RGS7BP: variants seen among roughly 807,000 people sequenced by gnomAD.
The protein encoded by RGS7BP is regulator of G protein signaling 7 binding protein, also known as regulator of G protein signaling 7-binding protein.
RGS7BP carries 9 observed loss-of-function variants against 31.3 expected under a neutral mutation model. The observed-to-expected ratio is 0.29, with a 90% CI of 0.17 to 0.50. RGS7BP has a LOEUF of 0.50. Among genes scored for constraint, RGS7BP ranks in the 20% least tolerant of loss-of-function variants. The probability of loss-of-function intolerance (pLI) is 0.98; values close to 1 mark genes in which losing one functional copy is unlikely to be tolerated. For synonymous variants in RGS7BP, 115 were observed against 120.1 expected (o/e 0.96, Z 0.28); for missense variants, 274 against 322.0 (o/e 0.85, Z 1.14).
chr5:64,545,940 G>T (rs1741647529), intron 2 of RGS7BP, among the ~76,000 whole-genome samples: 1 of 152,164 alleles, frequency 6.6e-6, no homozygotes, highest in Admixed American at 6.5e-5. Context: ...ATTAATGAAA[G>T]TAACCGGGTT....
In RGS7BP at chr5:64,609,929, A is replaced by C. The variant is rs1235891627; in HGVS notation, c.*677A>C. On this transcript the variant is annotated 3_prime_UTR_variant, in exon 6 of 6. Coordinates refer to ENST00000334025, the MANE Select transcript of RGS7BP (RefSeq NM_001029875.3). Reference sequence around the variant, plus strand: ...AATCCTAATACCTTCGTACAAATGCATATGGGCAACTAATTTCTTTTTGAT... The same window carrying C: ...AATCCTAATACCTTCGTACAAATGCCTATGGGCAACTAATTTCTTTTTGAT... 1 of 152,462 alleles carries C rather than the reference A, an allele frequency of 6.6e-6. No homozygotes were observed. The highest frequency in any genetic ancestry group is 1.5e-5 in the Non-Finnish European group (1 of 67,948). 9.4% of individuals were successfully genotyped at this position (152,462 alleles called of 1,614,324 possible).
rs1198045529 is a variant in RGS7BP at position 64,611,461 on chromosome 5, CACTT to C, written c.*2212_*2215del. ...CACCTTAGCCTCAGTGTGAAAGTAACACTTACCTTCTGTGCAATTGTCCTTTGTA... is the reference window on the plus strand; with the variant it reads ...CACCTTAGCCTCAGTGTGAAAGTAACACCTTCTGTGCAATTGTCCTTTGTA... On this transcript the variant is annotated 3_prime_UTR_variant, in exon 6 of 6. Transcript: ENST00000334025. 2 of 152,166 alleles carry C rather than the reference CACTT, an allele frequency of 1.3e-5. No individual in the cohort carries two copies. 9.4% of individuals were successfully genotyped at this position (152,166 alleles called of 1,614,324 possible). A position where few individuals can be genotyped will look rare whatever the true frequency, so the allele number is the denominator to read the frequency against.
intron 5 of RGS7BP, among the ~76,000 whole-genome samples, chr5:64,602,068 C>G (rs1743232201): frequency 6.6e-6 from 1 of 152,122 alleles, no homozygotes; most frequent in Non-Finnish European, 1.5e-5. Context: ...CAGTACTACT[C>G]CAGACTAATG....
At chr5:64,607,300 T>C (rs1012517441) in intron 5 of RGS7BP, among the ~76,000 whole-genome samples, 30 of 151,998 alleles carry the variant, frequency 2.0e-4, no homozygotes, top group African/African-American at 7.2e-4. Flanking sequence ...AATGTAGAAA[T>C]TTATTTTGCC....
At chr5:64,551,168 C>A (rs2111836029) in intron 2 of RGS7BP, among the ~76,000 whole-genome samples, 1 of 151,772 alleles carries the variant, frequency 6.6e-6, no homozygotes, top group Admixed American at 6.5e-5. Context: ...AATGTTCCCC[C>A]TTCTGCCAAC....
chr5:64,515,735 T>TAATACACACACACACACACAC (rs1561319307), intron 2 of RGS7BP, among the ~76,000 whole-genome samples: 1 of 149,828 alleles, frequency 6.7e-6, no homozygotes, highest in Admixed American at 6.6e-5. Flanking sequence ...CACACACACA[T>TAATACACACACACACACACAC]ATAATGCACA....
chr5:64,596,305 C>T (rs1467467958), intron 4 of RGS7BP, among the ~76,000 whole-genome samples: 2 of 152,186 alleles, frequency 1.3e-5, no homozygotes, highest in Non-Finnish European at 2.9e-5. Context: ...ACTCCGTTCT[C>T]CCTGGCTGTC....
chr5:64,550,742 T>TAC (rs1741774702), intron 2 of RGS7BP, among the ~76,000 whole-genome samples: 8 of 76,716 alleles, frequency 1.0e-4, no homozygotes, highest in Admixed American at 4.9e-4. Flanking sequence ...CCCCCAACCC[T>TAC]GCAACAGTCC....
chr5:64,573,775 C>G (rs1240921521), intron 2 of RGS7BP: 1 of 149,898 alleles, frequency 6.7e-6, no homozygotes, highest in Non-Finnish European at 1.5e-5. Context: ...TTCAAAATAG[C>G]TAGAACAGAG....
At chr5:64,579,287 T>C (rs1424962566) in intron 3 of RGS7BP, among the ~76,000 whole-genome samples, 2 of 152,082 alleles carry the variant, frequency 1.3e-5, no homozygotes, top group African/African-American at 2.4e-5. Context: ...GGCTCATGTA[T>C]GTAATCCCAG....
intron 2 of RGS7BP, among the ~76,000 whole-genome samples, chr5:64,523,954 T>C (rs1422648603): frequency 2.0e-5 from 3 of 152,202 alleles, no homozygotes; most frequent in African/African-American, 7.2e-5. Flanking sequence ...ACAAATAGCC[T>C]GTCAGGTATA....
intron 2 of RGS7BP, among the ~76,000 whole-genome samples, chr5:64,572,478 T>A (rs1220186533): frequency 6.6e-6 from 1 of 152,180 alleles, no homozygotes; most frequent in Non-Finnish European, 1.5e-5. Flanking sequence ...TTAATGTAAC[T>A]TAGTCTAGGC....
intron 2 of RGS7BP, among the ~76,000 whole-genome samples, chr5:64,533,780 C>A (rs1749434909): frequency 6.6e-6 from 1 of 152,230 alleles, no homozygotes; most frequent in African/African-American, 2.4e-5. Flanking sequence ...TGCCAACCTT[C>A]TCCCTCCCCA....
At position 64,585,655 on chromosome 5, in the gene RGS7BP, T is replaced by C. The variant is rs144258863; in HGVS notation, c.464-9055T>C. Among the ~76,000 whole-genome samples, 506 of 152,288 alleles carry C rather than the reference T, an allele frequency of 3.3e-3. 5 individuals are homozygous for C. Among genetic ancestry groups the C allele is most frequent in the African/African-American group, 0.012 (490 of 41,570 alleles). ...CAGATGTGTTTTTGTTTCTCGTGAA[T>C]GACCGGCAATTTCTCACGAATATAA... On this transcript the variant is annotated intron_variant, in intron 3 of 5. Coordinates refer to ENST00000334025, the MANE Select transcript of RGS7BP (RefSeq NM_001029875.3).
intron 4 of RGS7BP, among the ~76,000 whole-genome samples, chr5:64,595,400 G>C (rs553399516): frequency 2.6e-4 from 39 of 152,114 alleles, no homozygotes; most frequent in African/African-American, 7.5e-4. Context: ...TCTCCACAAG[G>C]TGGCTGATGG....
chr5:64,564,813 G>A (rs1017739698), intron 2 of RGS7BP, among the ~76,000 whole-genome samples: 5 of 152,014 alleles, frequency 3.3e-5, no homozygotes, highest in East Asian at 3.9e-4. Flanking sequence ...CAGTCTGGGC[G>A]GGGGTCTCTG....
chr5:64,543,750 C>T (rs953108366), intron 2 of RGS7BP, among the ~76,000 whole-genome samples: 2 of 152,304 alleles, frequency 1.3e-5, no homozygotes, highest in African/African-American at 4.8e-5. Context: ...TTCCCAGGGG[C>T]TGCTGTGCCC....
At chr5:64,581,498 A>G (rs7730085) in intron 3 of RGS7BP, among the ~76,000 whole-genome samples, 49,407 of 152,164 alleles carry the variant, frequency 0.32, 8,461 homozygotes, top group Middle Eastern at 0.47. Flanking sequence ...AGATAGAATT[A>G]TGTACCTCAC....
chr5:64,595,942 G>C (rs560049265), intron 4 of RGS7BP, among the ~76,000 whole-genome samples: 1 of 152,264 alleles, frequency 6.6e-6, no homozygotes, highest in South Asian at 2.1e-4. Flanking sequence ...GCTTGGAAAT[G>C]CAACAATTCA....
Sources: allele counts gnomAD v4.1 joint callset (sites outside exome capture counted in the v4.1 genomes callset), GRCh38; gene constraint gnomAD v4.1.1; transcripts MANE v1.5; gene names NCBI Gene and HGNC (gene_info 2026-07-23, HGNC 2026-07-21).